The following KDM4C variants were observed in gnomAD, a reference collection of about 807,000 sequenced individuals.
The protein encoded by KDM4C is lysine-specific demethylase 4C.
In KDM4C, 81 loss-of-function variants were observed where a neutral mutation model predicts 129.3. The ratio of observed to expected loss-of-function variants is 0.63; its 90% CI spans 0.52 to 0.75. KDM4C has a LOEUF of 0.75. Among genes scored for constraint, KDM4C ranks in the 30% least tolerant of loss-of-function variants. The pLI is 0.00. For missense variants in KDM4C, 1,457 were observed against 1,304.0 expected (o/e 1.12, Z -1.81); for synonymous variants, 573 against 456.1 (o/e 1.26, Z -3.26).
At chr9:6,935,607 T>G (rs1175321528) in intron 8 of KDM4C, among the ~76,000 whole-genome samples, 3 of 151,304 alleles carry the variant, frequency 2.0e-5, no homozygotes, top group Non-Finnish European at 1.5e-5. Context: ...TTGAGATGGA[T>G]ATTGTGCCTA....
chr9:6,886,658 A>T (rs1372741055), intron 6 of KDM4C, among the ~76,000 whole-genome samples: 1 of 151,564 alleles, frequency 6.6e-6, no homozygotes. Context: ...TGCCTCGCTA[A>T]TTTTTTTGTA....
Position 7,044,533 on chromosome 9 carries a change from A to T in KDM4C, c.2260-2329A>T, listed in dbSNP as rs557496964. Among the ~76,000 whole-genome samples, 590 of 152,068 alleles carry T rather than the reference A, an allele frequency of 3.9e-3. 2 individuals are homozygous for T. The highest frequency in any genetic ancestry group is 0.013 in the African/African-American group (549 of 41,514). ...AGAACAGGGTGGATTTGGAGGTGGG[A>T]TTGACAGAACTCAGTTGATTGGATC... On this transcript the variant is annotated intron_variant, in intron 15 of 21. Coordinates refer to ENST00000381309, the MANE Select transcript of KDM4C (RefSeq NM_015061.6).
At chr9:7,089,372 T>C (rs1564102579) in intron 17 of KDM4C, among the ~76,000 whole-genome samples, 1 of 152,184 alleles carries the variant, frequency 6.6e-6, no homozygotes, top group Non-Finnish European at 1.5e-5. Context: ...TGCAGCAGGA[T>C]CGAGTTCTTC....
At chr9:6,755,858 CTG>C (rs984851112), upstream of KDM4C, among the ~76,000 whole-genome samples, 75 of 152,318 alleles carry the variant, frequency 4.9e-4, no homozygotes, top group African/African-American at 1.8e-3. Context: ...CTTTCCAAGA[CTG>C]TGAAGCACTT....
At chr9:6,923,652 T>A (rs1431189541) in intron 8 of KDM4C, among the ~76,000 whole-genome samples, 1 of 152,244 alleles carries the variant, frequency 6.6e-6, no homozygotes, top group Non-Finnish European at 1.5e-5. Context: ...CTTGTGGGGT[T>A]TGACATCTGA....
chr9:7,085,508 C>T (rs1463879860), intron 17 of KDM4C, among the ~76,000 whole-genome samples: 1 of 152,046 alleles, frequency 6.6e-6, no homozygotes, highest in African/African-American at 2.4e-5. Context: ...CTGTAAAATA[C>T]GGGGTCATGA....
intron 8 of KDM4C, among the ~76,000 whole-genome samples, chr9:6,908,574 A>G (rs1018204036): frequency 2.0e-5 from 3 of 151,854 alleles, no homozygotes; most frequent in Non-Finnish European, 4.4e-5. Flanking sequence ...TCAGGGCAGA[A>G]CACATCCCTG....
chr9:6,816,716 CT>C (rs1443708718), intron 4 of KDM4C, among the ~76,000 whole-genome samples: 3 of 152,168 alleles, frequency 2.0e-5, no homozygotes, highest in African/African-American at 7.2e-5. Context: ...TTTAGCCACT[CT>C]GTTGGTGTGT....
chr9:6,920,989 G>C (rs1002869309), intron 8 of KDM4C, among the ~76,000 whole-genome samples: 4 of 152,106 alleles, frequency 2.6e-5, no homozygotes. Flanking sequence ...GGCAGCACTT[G>C]ATAAAGTTGT....
intron 5 of KDM4C, among the ~76,000 whole-genome samples, chr9:6,859,335 C>G (rs368417110): frequency 6.6e-6 from 1 of 151,740 alleles, no homozygotes; most frequent in African/African-American, 2.4e-5. Context: ...ATTAGTTCGA[C>G]GTAGTGGCCC....
chr9:6,778,426 C>G (rs1379843783), intron 1 of KDM4C, among the ~76,000 whole-genome samples: 1 of 151,922 alleles, frequency 6.6e-6, no homozygotes, highest in East Asian at 1.9e-4. Context: ...AACTTATTCA[C>G]TCAAGTGACA....
intron 8 of KDM4C, among the ~76,000 whole-genome samples, chr9:6,901,783 C>T (rs1195081135): frequency 3.3e-5 from 5 of 152,188 alleles, no homozygotes; most frequent in Admixed American, 1.3e-4. Flanking sequence ...TACCTCATTT[C>T]GTGACACATA....
intron 1 of KDM4C, among the ~76,000 whole-genome samples, chr9:6,782,544 G>T (rs1487512168): frequency 6.6e-6 from 1 of 152,066 alleles, no homozygotes; most frequent in East Asian, 1.9e-4. Flanking sequence ...CTCACAGAAG[G>T]TATTCGTAAC....
Position 6,805,665 on chromosome 9 carries a change from G to C in KDM4C, c.211G>C (p.Ala71Pro). 6.2e-7 allele frequency: 1 copy of C among 1,614,030 alleles called. No homozygotes were observed. The change falls in exon 3 of 22, where the codon GCA becomes CCA. Residue 71 changes from alanine (A) to proline (P), a missense_variant. Transcript: ENST00000381309. ...YDDIDNLLIP[A>P]PIQQMVTGQS... ...TGACATTGATAATTTGCTCATTCCA[G>C]CACCAATTCAGCAGATGGTCACAGG... is the stretch of plus-strand genomic sequence containing the variant.
At chr9:7,022,637 C>CTTCT (rs1554703015) in intron 15 of KDM4C, among the ~76,000 whole-genome samples, 1 of 133,960 alleles carries the variant, frequency 7.5e-6, no homozygotes, top group Non-Finnish European at 1.6e-5. Context: ...CCCTTTATTT[C>CTTCT]TTTTTTTTTT....
At chr9:6,739,231 C>T (rs927658253) in intron 1 of KDM4C, among the ~76,000 whole-genome samples, 24 of 151,882 alleles carry the variant, frequency 1.6e-4, no homozygotes, top group African/African-American at 5.3e-4. Flanking sequence ...CACATCCATG[C>T]CCAGCTAATT....
In KDM4C at chr9:6,979,587, A is replaced by G. The variant is rs192847586; in HGVS notation, c.922-1338A>G. Among the ~76,000 whole-genome samples, 22 of 152,326 alleles carry G rather than the reference A, an allele frequency of 1.4e-4. No individual in the cohort carries two copies. In the East Asian group the frequency reaches 2.7e-3, roughly 19 times the overall value. On this transcript the variant is annotated intron_variant, in intron 8 of 21. Transcript: ENST00000381309. Reference sequence around the variant, plus strand: ...TAAATTTAGACCTTATTCTAGGTCTAAGAAAAGCAGGGTGATTACACCTTA... The same window carrying G: ...TAAATTTAGACCTTATTCTAGGTCTGAGAAAAGCAGGGTGATTACACCTTA...
In KDM4C at chr9:7,023,935, A is replaced by G. The variant is rs143044660; in HGVS notation, c.2259+8006A>G. Among the ~76,000 whole-genome samples, 223 of 152,324 alleles carry G rather than the reference A, an allele frequency of 1.5e-3. 2 individuals are homozygous for G. Among genetic ancestry groups the G allele is most frequent in the African/African-American group, 4.9e-3 (202 of 41,570 alleles). On this transcript the variant is annotated intron_variant, in intron 15 of 21. Transcript: ENST00000381309. ...TTGTTTCATTTCCATGTGTTTGTACATCTTCCAAAATTCTTTTTGTTATTG... is the reference window on the plus strand; with the variant it reads ...TTGTTTCATTTCCATGTGTTTGTACGTCTTCCAAAATTCTTTTTGTTATTG...
At chr9:6,980,074 CTG>C (rs1816504420) in intron 8 of KDM4C, among the ~76,000 whole-genome samples, 1 of 152,124 alleles carries the variant, frequency 6.6e-6, no homozygotes, top group South Asian at 2.1e-4. Context: ...TGTGTCAAAA[CTG>C]TTCAGTCAGT....
Sources: allele counts gnomAD v4.1 joint callset (sites outside exome capture counted in the v4.1 genomes callset), GRCh38; gene constraint gnomAD v4.1.1; transcripts MANE v1.5; gene names NCBI Gene and HGNC (gene_info 2026-07-23, HGNC 2026-07-21).